The following AGAP1 variants were observed in gnomAD, a reference collection of about 807,000 sequenced individuals.
The protein encoded by AGAP1 is ArfGAP with GTPase domain, ankyrin repeat and PH domain 1, also known as arf-GAP with GTPase, ANK repeat and PH domain-containing protein 1.
A neutral mutation model predicts 105.3 loss-of-function variants in AGAP1; 29 were observed. The observed-to-expected ratio is 0.28, with a 90% CI of 0.21 to 0.38. The LOEUF is 0.38. Among genes scored for constraint, AGAP1 ranks in the 10% least tolerant of loss-of-function variants. The pLI, the probability that AGAP1 is intolerant of heterozygous loss-of-function variation, is 1.00. For missense variants in AGAP1, 998 were observed against 1,165.1 expected (o/e 0.86, Z 2.09); for synonymous variants, 509 against 485.9 (o/e 1.05, Z -0.63).
intron 6 of AGAP1, among the ~76,000 whole-genome samples, chr2:235,768,699 A>G (rs980848185): frequency 2.6e-5 from 4 of 152,202 alleles, no homozygotes; most frequent in African/African-American, 9.6e-5. Flanking sequence ...GTGCCGGGGC[A>G]CATTCACAGA....
rs2050538695 is a variant in AGAP1 at position 235,891,511 on chromosome 2, C to G, written c.1155+8062C>G. On this transcript the variant is annotated intron_variant, in intron 10 of 17. Coordinates refer to ENST00000304032, the MANE Select transcript of AGAP1 (RefSeq NM_001037131.3). The surrounding 1 kb of genome is among the most constrained non-coding windows in gnomAD (Gnocchi z 4.2). ...CTTAAATGTGAGCCTTAGGGAGCAC[C>G]TTGATAGAAAAATGGAGGCATAATG... Among the ~76,000 whole-genome samples, 1 of 152,120 alleles carries G rather than the reference C, an allele frequency of 6.6e-6. No individual in the cohort carries two copies.
chr2:236,017,400 C>T (rs569827722), intron 13 of AGAP1, among the ~76,000 whole-genome samples: 4 of 152,154 alleles, frequency 2.6e-5, no homozygotes, highest in Non-Finnish European at 5.9e-5. Flanking sequence ...CACATATTCA[C>T]TGTCTATAAA....
chr2:235,748,020 G>A (rs1953108904), intron 5 of AGAP1, among the ~76,000 whole-genome samples: 1 of 152,276 alleles, frequency 6.6e-6, no homozygotes, highest in Non-Finnish European at 1.5e-5. Context: ...AATTGGGCAA[G>A]ATGGGAATGA....
intron 12 of AGAP1, among the ~76,000 whole-genome samples, chr2:235,946,796 G>T (rs1229184130): frequency 6.6e-6 from 1 of 152,040 alleles, no homozygotes; most frequent in African/African-American, 2.4e-5. Flanking sequence ...GTGTGGTCCC[G>T]CCCCTCTGCC....
chr2:235,851,669 ATACAAG>A (rs901852455), intron 9 of AGAP1, among the ~76,000 whole-genome samples: 7 of 152,134 alleles, frequency 4.6e-5, no homozygotes, highest in African/African-American at 9.7e-5. Flanking sequence ...ACACCCGGAA[ATACAAG>A]TGCAAGTGCA....
At chr2:235,560,039 A>G (rs1216306240) in intron 1 of AGAP1, among the ~76,000 whole-genome samples, 1 of 152,066 alleles carries the variant, frequency 6.6e-6, no homozygotes, top group Admixed American at 6.6e-5. Flanking sequence ...CTTTGGTGTC[A>G]TATTTAAGAA....
intron 11 of AGAP1, among the ~76,000 whole-genome samples, chr2:235,917,924 A>G (rs1372365867): frequency 6.6e-6 from 1 of 152,234 alleles, no homozygotes; most frequent in African/African-American, 2.4e-5. Flanking sequence ...CAGTGGTAAT[A>G]GCTATTAAAA....
At position 235,883,860 on chromosome 2, in the gene AGAP1, A is replaced by T. The variant is rs2050145847; in HGVS notation, c.1155+411A>T. 6.6e-6 allele frequency among the ~76,000 whole-genome samples: 1 copy of T among 152,202 alleles called. No homozygotes were observed. Among genetic ancestry groups the T allele is most frequent in the Non-Finnish European group, 1.5e-5 (1 of 68,042 alleles). On this transcript the variant is annotated intron_variant, in intron 10 of 17. Coordinates refer to ENST00000304032, the MANE Select transcript of AGAP1 (RefSeq NM_001037131.3). The surrounding 1 kb of genome is among the most constrained non-coding windows in gnomAD (Gnocchi z 4.5). ...AGCTGTGAACAATAATCAGAAGTCA[A>T]ATGCAATTCATGACTCAGCTTTTAT... is the stretch of plus-strand genomic sequence containing the variant.
intron 12 of AGAP1, among the ~76,000 whole-genome samples, chr2:235,952,730 C>T (rs886675550): frequency 4.6e-5 from 7 of 152,126 alleles, no homozygotes; most frequent in Admixed American, 2.0e-4. Flanking sequence ...CTGGAGTTTC[C>T]GCACACACAG....
In AGAP1 at chr2:235,725,278, G is replaced by A. The variant is rs1029230463; in HGVS notation, c.310+7634G>A. 2.6e-5 allele frequency among the ~76,000 whole-genome samples: 4 copies of A among 152,154 alleles called. No individual in the cohort carries two copies. The highest frequency in any genetic ancestry group is 9.7e-5 in the African/African-American group (4 of 41,420). ...GTAGTAAATGTGTTCTCAGGAGCAC[G>A]TGTATCTTAAATATGTTTTAACGAA... is the stretch of plus-strand genomic sequence containing the variant. On this transcript the variant is annotated intron_variant, in intron 3 of 17. Transcript: ENST00000304032. This position sits in a 1 kb window ranked among gnomAD's most constrained non-coding sequence, Gnocchi z 5.7.
intron 1 of AGAP1, among the ~76,000 whole-genome samples, chr2:235,604,012 CTG>C (rs1168031874): frequency 1.3e-5 from 2 of 152,094 alleles, no homozygotes; most frequent in African/African-American, 2.4e-5. Flanking sequence ...AGATGAAAAA[CTG>C]TTGCATAGCA....
intron 1 of AGAP1, among the ~76,000 whole-genome samples, chr2:235,636,803 C>T (rs1947018059): frequency 6.6e-6 from 1 of 152,124 alleles, no homozygotes; most frequent in Non-Finnish European, 1.5e-5. Context: ...GAGGTCATGC[C>T]AGAGTGGGGT....
Position 235,964,786 on chromosome 2 carries a change from C to T in AGAP1, c.1484-3676C>T, listed in dbSNP as rs2054322947. Among the ~76,000 whole-genome samples, 1 of 152,184 alleles carries T rather than the reference C, an allele frequency of 6.6e-6. No individual in the cohort carries two copies. The highest frequency in any genetic ancestry group is 2.4e-5 in the African/African-American group (1 of 41,516). On this transcript the variant is annotated intron_variant, in intron 12 of 17. Transcript: ENST00000304032. This position sits in a 1 kb window ranked among gnomAD's most constrained non-coding sequence, Gnocchi z 4.6. ...TCAGTATTGTAAAATCATGGGACAGCTTAAAAGGTGAAAGTCTGGGAGGAG... is the reference window on the plus strand; with the variant it reads ...TCAGTATTGTAAAATCATGGGACAGTTTAAAAGGTGAAAGTCTGGGAGGAG...
At chr2:235,629,173 C>G (rs1397017890) in intron 1 of AGAP1, among the ~76,000 whole-genome samples, 1 of 152,052 alleles carries the variant, frequency 6.6e-6, no homozygotes, top group Non-Finnish European at 1.5e-5. Context: ...GTTTGGTTTT[C>G]CATTCCTGAG....
rs184099396 is a variant in AGAP1 at position 235,768,084 on chromosome 2, G to T, written c.673+17596G>T. 3.0e-3 allele frequency among the ~76,000 whole-genome samples: 450 copies of T among 152,254 alleles called. 1 individual carries two copies. The highest frequency in any genetic ancestry group is 0.01 in the African/African-American group (424 of 41,558). Reference sequence around the variant, plus strand: ...TTACAGGTGTGAGCCAACATCCCTGGCCAGAGTCTTCTAGTTTTTGAAGGT... The same window carrying T: ...TTACAGGTGTGAGCCAACATCCCTGTCCAGAGTCTTCTAGTTTTTGAAGGT... On this transcript the variant is annotated intron_variant, in intron 6 of 17. Coordinates refer to ENST00000304032, the MANE Select transcript of AGAP1 (RefSeq NM_001037131.3).
At position 235,747,475 on chromosome 2, in the gene AGAP1, C is replaced by A. The variant is rs1200917768; in HGVS notation, c.538+2636C>A. Among the ~76,000 whole-genome samples the A allele has an allele frequency of 1.3e-5, 2 of 151,920 alleles. No individual in the cohort carries two copies. The highest frequency in any genetic ancestry group is 2.4e-5 in the African/African-American group (1 of 41,274). On this transcript the variant is annotated intron_variant, in intron 5 of 17. Coordinates refer to ENST00000304032, the MANE Select transcript of AGAP1 (RefSeq NM_001037131.3). The surrounding 1 kb of genome is among the most constrained non-coding windows in gnomAD (Gnocchi z 5.0). ...AACAGGTAAGCTGGCCCCACGCCCT[C>A]CCGGGGTGAGCAGGTAAGCGGGCCC... is the stretch of plus-strand genomic sequence containing the variant.
intron 1 of AGAP1, among the ~76,000 whole-genome samples, chr2:235,677,054 T>C (rs181801494): frequency 1.3e-5 from 2 of 152,362 alleles, no homozygotes; most frequent in Admixed American, 1.3e-4. Context: ...TGTTCCTTGT[T>C]GGTGATAGCC....
chr2:235,653,642 A>G (rs1037186161), intron 1 of AGAP1, among the ~76,000 whole-genome samples: 13 of 152,226 alleles, frequency 8.5e-5, no homozygotes, highest in African/African-American at 2.9e-4. Flanking sequence ...TAAAATGGTC[A>G]GTTTGAGTAA....
chr2:235,501,885 G>T, intron 1 of AGAP1, among the ~76,000 whole-genome samples: 1 of 152,310 alleles, frequency 6.6e-6, no homozygotes, highest in South Asian at 2.1e-4. Context: ...TTGAGGTTCT[G>T]ATCTGGTGCT....
Sources: gnomAD v4.1 joint callset for allele counts (sites outside exome capture counted in the v4.1 genomes callset) on GRCh38, gnomAD v4.1.1 for gene constraint, Gnocchi (gnomAD v3.1) non-coding constraint, MANE v1.5 for transcripts, NCBI Gene and HGNC (gene_info 2026-07-23, HGNC 2026-07-21) for gene names.